The following PALLD variants were observed in gnomAD, a reference collection of about 807,000 sequenced individuals.
PALLD encodes palladin, cytoskeletal associated protein.
Under a neutral mutation model 123.5 loss-of-function variants are expected in PALLD, and 61 were observed. That is an observed-to-expected ratio of 0.49 (90% confidence interval 0.40 to 0.61). The LOEUF (loss-of-function observed/expected upper bound fraction) is 0.61. PALLD is among the 20% of genes least tolerant of loss of function. The pLI is 0.00. For synonymous variants in PALLD, 465 were observed against 496.4 expected, an observed-to-expected ratio of 0.94 and a Z score of 0.84; for missense variants, 1,273 against 1,377.0, an observed-to-expected ratio of 0.92 and a Z score of 1.20.
chr4:168,800,561 C>T (rs559314568), intron 10 of PALLD, among the ~76,000 whole-genome samples: 61 of 152,166 alleles, frequency 4.0e-4, no homozygotes, highest in African/African-American at 1.3e-3. Context: ...AACAGAGATA[C>T]CATTACACAC....
intron 10 of PALLD, chr4:168,756,496 A>G (rs1731900992): frequency 6.3e-6 from 1 of 157,546 alleles, no homozygotes; most frequent in Admixed American, 6.5e-5. Flanking sequence ...TAAAGTAGTG[A>G]TGAGGTTTCA....
chr4:168,665,792 A>G (rs1779587923), intron 2 of PALLD, among the ~76,000 whole-genome samples: 1 of 152,166 alleles, frequency 6.6e-6, no homozygotes, highest in Non-Finnish European at 1.5e-5. Context: ...TGGCCTCAGG[A>G]CCACACTTTG....
At position 168,626,704 on chromosome 4, in the gene PALLD, C is replaced by T. The variant is rs535968350; in HGVS notation, c.909-41486C>T. On this transcript the variant is annotated intron_variant, in intron 2 of 21. Coordinates refer to ENST00000505667, the MANE Select transcript of PALLD (RefSeq NM_001166108.2). Reference sequence around the variant, plus strand: ...CCAGCCTGGGTAACAGAGTGAGAACCTGCCTCCAGGAAAAAAAAAAAAAAA... The same window carrying T: ...CCAGCCTGGGTAACAGAGTGAGAACTTGCCTCCAGGAAAAAAAAAAAAAAA... Among the ~76,000 whole-genome samples, 588 of 147,710 alleles carry T rather than the reference C, an allele frequency of 4.0e-3. 2 individuals carry two copies. The highest frequency in any genetic ancestry group is 6.5e-3 in the Admixed American group (96 of 14,852).
At chr4:168,632,107 G>A (rs1440531729) in intron 2 of PALLD, among the ~76,000 whole-genome samples, 1 of 150,476 alleles carries the variant, frequency 6.6e-6, no homozygotes, top group South Asian at 2.1e-4. Flanking sequence ...CCTGCTTCGC[G>A]GGACTTTTCT....
At chr4:168,895,393 A>G (rs994054549) in intron 12 of PALLD, among the ~76,000 whole-genome samples, 1 of 152,188 alleles carries the variant, frequency 6.6e-6, no homozygotes, top group African/African-American at 2.4e-5. Context: ...AAACAAAACA[A>G]AACTAAAAAC....
Position 168,511,640 on chromosome 4 carries a change from GC to G in PALLD, c.139del (p.Arg47GlyfsTer4). The G allele has an allele frequency of 1.2e-6, 2 of 1,614,148 alleles. No homozygotes were observed. Among genetic ancestry groups the G allele is most frequent in the Non-Finnish European group, 1.7e-6 (2 of 1,180,010 alleles). Reference protein sequence around the residue: ...QEEINKSLDLARRAIADSETE... With the variant: ...QEEINKSLDLXRRAIADSETE... ...AGAGATAAACAAGAGTCTTGACCTG[GC>G]CCGGAGAGCCATAGCCGACTCCGAA... On this transcript the variant is annotated frameshift_variant, in exon 2 of 22. Transcript: ENST00000505667. LOFTEE classifies it high-confidence loss of function.
At chr4:168,613,924 T>C (rs972311634) in intron 2 of PALLD, among the ~76,000 whole-genome samples, 1 of 152,234 alleles carries the variant, frequency 6.6e-6, no homozygotes, top group Admixed American at 6.5e-5. Context: ...ATCTGAGTCG[T>C]AGAGCTCCAC....
At chr4:168,569,950 G>A (rs1768802307) in intron 2 of PALLD, among the ~76,000 whole-genome samples, 1 of 152,104 alleles carries the variant, frequency 6.6e-6, no homozygotes, top group African/African-American at 2.4e-5. Context: ...TTCCTGCCAA[G>A]CAATATTGAC....
At position 168,674,954 on chromosome 4, in the gene PALLD, G is replaced by A. The variant is rs184228837; in HGVS notation, c.1088-6378G>A. ...GCAGGAGGGAGGAGAGTAAGATGGGGAAAGGAAATGGAATCTGTACTAGAT... is the reference window on the plus strand; with the variant it reads ...GCAGGAGGGAGGAGAGTAAGATGGGAAAAGGAAATGGAATCTGTACTAGAT... On this transcript the variant is annotated intron_variant, in intron 3 of 21. Coordinates refer to ENST00000505667, the MANE Select transcript of PALLD (RefSeq NM_001166108.2). 2.8e-3 allele frequency among the ~76,000 whole-genome samples: 427 copies of A among 152,260 alleles called. 1 individual carries two copies. Among genetic ancestry groups the A allele is most frequent in the Non-Finnish European group, 4.6e-3 (314 of 68,024 alleles).
intron 3 of PALLD, among the ~76,000 whole-genome samples, chr4:168,678,828 G>A (rs1174037054): frequency 6.7e-6 from 1 of 148,406 alleles, no homozygotes; most frequent in Non-Finnish European, 1.5e-5. Flanking sequence ...GTGTGGGGGG[G>A]TATGGTGTGC....
chr4:168,533,288 C>A (rs569814199), intron 2 of PALLD, among the ~76,000 whole-genome samples: 39 of 152,098 alleles, frequency 2.6e-4, no homozygotes, highest in African/African-American at 9.4e-4. Context: ...AATTAGTAGG[C>A]AAAGAGACTA....
At chr4:168,780,008 C>T (rs1735677804) in intron 10 of PALLD, among the ~76,000 whole-genome samples, 1 of 152,036 alleles carries the variant, frequency 6.6e-6, no homozygotes, top group Admixed American at 6.6e-5. Context: ...AAGCGATTCT[C>T]CTGCCTCAGC....
intron 10 of PALLD, among the ~76,000 whole-genome samples, chr4:168,772,180 A>T (rs1333187366): frequency 6.6e-6 from 1 of 152,154 alleles, no homozygotes; most frequent in Non-Finnish European, 1.5e-5. Context: ...GAGGTGCAAT[A>T]ACTTTCTTAA....
At chr4:168,893,483 T>C (rs1227490761) in intron 11 of PALLD, among the ~76,000 whole-genome samples, 1 of 152,224 alleles carries the variant, frequency 6.6e-6, no homozygotes, top group Non-Finnish European at 1.5e-5. Flanking sequence ...ATTGTAAATT[T>C]ACCCAACATA....
chr4:168,741,436 G>T (rs145902196), intron 10 of PALLD, among the ~76,000 whole-genome samples: 77 of 152,184 alleles, frequency 5.1e-4, no homozygotes, highest in African/African-American at 1.7e-3. Context: ...AGCACTTTTG[G>T]GAGGCAGAGG....
At chr4:168,545,851 T>C (rs911581806) in intron 2 of PALLD, among the ~76,000 whole-genome samples, 2 of 152,184 alleles carry the variant, frequency 1.3e-5, no homozygotes, top group Admixed American at 6.5e-5. Flanking sequence ...AGTTCTATCA[T>C]GTACAATTAT....
At chr4:168,507,062 C>T (rs2149412366) in intron 1 of PALLD, among the ~76,000 whole-genome samples, 1 of 152,282 alleles carries the variant, frequency 6.6e-6, no homozygotes, top group South Asian at 2.1e-4. Flanking sequence ...CTCCCTTCTC[C>T]TGGGCTCTAG....
chr4:168,647,092 A>G (rs1454512300), intron 2 of PALLD, among the ~76,000 whole-genome samples: 1 of 152,248 alleles, frequency 6.6e-6, no homozygotes, highest in Non-Finnish European at 1.5e-5. Flanking sequence ...AATAAAAAAT[A>G]GTTATCTTTC....
intron 10 of PALLD, among the ~76,000 whole-genome samples, chr4:168,839,242 C>T (rs6850041): frequency 0.012 from 1,782 of 152,184 alleles, 36 homozygotes; most frequent in African/African-American, 0.041. Context: ...TGTGAGCCAC[C>T]GCGACTGGCT....
Sources: gnomAD v4.1 joint callset for allele counts (sites outside exome capture counted in the v4.1 genomes callset) on GRCh38, gnomAD v4.1.1 for gene constraint, MANE v1.5 for transcripts, NCBI Gene and HGNC (gene_info 2026-07-23, HGNC 2026-07-21) for gene names.